AP4S1: variants seen among roughly 807,000 people sequenced by gnomAD.
The protein encoded by AP4S1 is AP-4 complex subunit sigma-1.
AP4S1 carries 23 observed loss-of-function variants against 19.8 expected under a neutral mutation model. The observed-to-expected ratio is 1.16, with a 90% CI of 0.84 to 1.65. The LOEUF is 1.65. AP4S1 is among the 40% of genes most tolerant of loss of function. The pLI is 0.00. For missense variants in AP4S1, 166 were observed against 172.8 expected, an observed-to-expected ratio of 0.96 and a Z score of 0.22; for synonymous variants, 46 against 54.1, an observed-to-expected ratio of 0.85 and a Z score of 0.66.
At chr14:31,025,846 A>AC (rs1012155048) in intron 1 of AP4S1, 59 bp downstream of exon 1, 13 of 1,553,788 alleles carry the variant, frequency 8.4e-6, no homozygotes, top group Admixed American at 7.7e-5. Flanking sequence ...CCCCAGCCCC[A>AC]CCCCCCGGCC....
At chr14:31,081,993 G>A (rs1473067000) in intron 5 of AP4S1, among the ~76,000 whole-genome samples, 1 of 151,918 alleles carries the variant, frequency 6.6e-6, no homozygotes, top group African/African-American at 2.4e-5. Context: ...CACCACGTCC[G>A]GCCTAATTTA....
intron 1 of AP4S1, among the ~76,000 whole-genome samples, chr14:31,049,388 T>C (rs1885608572): frequency 7.7e-6 from 1 of 129,212 alleles, no homozygotes; most frequent in Non-Finnish European, 1.6e-5. Flanking sequence ...CACTCCAGCC[T>C]GGGTGACAGA....
chr14:31,050,223 A>T (rs1885710452), intron 1 of AP4S1, among the ~76,000 whole-genome samples: 1 of 151,784 alleles, frequency 6.6e-6, no homozygotes, highest in African/African-American at 2.4e-5. Flanking sequence ...CGCCTGTCCT[A>T]ATTTTTGTAT....
chr14:31,030,405 A>G (rs1884320460), intron 1 of AP4S1, among the ~76,000 whole-genome samples: 2 of 152,130 alleles, frequency 1.3e-5, no homozygotes, highest in Admixed American at 1.3e-4. Context: ...AGGGAATCTC[A>G]CTATGTTGCC....
In AP4S1 at chr14:31,040,292, G is replaced by A. The variant is rs142929089; in HGVS notation, c.-72+14505G>A. On this transcript the variant is annotated intron_variant, in intron 1 of 5. Coordinates refer to ENST00000542754, the MANE Select transcript of AP4S1 (RefSeq NM_001128126.3). ...CTCAGCCTCCCAAGTAGCTGGGACT[G>A]TAGGCAGATGTCACCATGCCTGGCT... Among the ~76,000 whole-genome samples the A allele has an allele frequency of 3.3e-5, 5 of 151,938 alleles. No homozygotes were observed. In the East Asian group the frequency reaches 9.7e-4, roughly 29 times the overall value.
chr14:31,064,098 G>A (rs1218012491), intron 1 of AP4S1, among the ~76,000 whole-genome samples: 1 of 152,132 alleles, frequency 6.6e-6, no homozygotes, highest in African/African-American at 2.4e-5. Flanking sequence ...ACAAATATGA[G>A]ATTCAATACA....
chr14:31,088,512 T>A (rs1887982173), intron 5 of AP4S1, among the ~76,000 whole-genome samples: 1 of 151,870 alleles, frequency 6.6e-6, no homozygotes, highest in South Asian at 2.1e-4. Flanking sequence ...AAACCTACTT[T>A]AAAAAAAGAT....
rs573095076 is a variant in AP4S1 at position 31,026,349 on chromosome 14, G to C, written c.-72+562G>C. Reference sequence around the variant, plus strand: ...CCGTGGGTCAGAGCAGGGAGCTGCCGGCTGCCGCCATTACAATCCCTCCTC... The same window carrying C: ...CCGTGGGTCAGAGCAGGGAGCTGCCCGCTGCCGCCATTACAATCCCTCCTC... On this transcript the variant is annotated intron_variant, in intron 1 of 5. Transcript: ENST00000542754. The C allele has an allele frequency of 5.5e-5, 35 of 633,624 alleles. 1 individual carries two copies. In the South Asian group the frequency reaches 1.3e-3, roughly 23 times the overall value. The allele number at this position is 633,624 out of a possible 1,614,324, so 39.3% of individuals were successfully genotyped here.
chr14:31,055,458 A>T (rs1886054733), intron 1 of AP4S1, among the ~76,000 whole-genome samples: 1 of 152,124 alleles, frequency 6.6e-6, no homozygotes, highest in South Asian at 2.1e-4. Context: ...TTTAATTCTC[A>T]CAACAACCTA....
intron 4 of AP4S1, among the ~76,000 whole-genome samples, chr14:31,074,178 T>G (rs150629946): frequency 0.017 from 2,568 of 148,904 alleles, 45 homozygotes; most frequent in Middle Eastern, 0.026. Context: ...TACAAAAAAT[T>G]AGTTGGGCAT....
intron 1 of AP4S1, among the ~76,000 whole-genome samples, chr14:31,049,626 C>G (rs1361602490): frequency 6.7e-6 from 1 of 150,170 alleles, no homozygotes; most frequent in East Asian, 1.9e-4. Flanking sequence ...ACAAACAAGC[C>G]CTCTTCACTT....
chr14:31,065,883 A>T (rs1886689160), intron 1 of AP4S1, among the ~76,000 whole-genome samples: 1 of 152,040 alleles, frequency 6.6e-6, no homozygotes, highest in Admixed American at 6.6e-5. Flanking sequence ...GATGGTCTCG[A>T]TCTCCTGACC....
At chr14:31,063,567 C>G (rs1280475567) in intron 1 of AP4S1, among the ~76,000 whole-genome samples, 1 of 152,138 alleles carries the variant, frequency 6.6e-6, no homozygotes, top group Non-Finnish European at 1.5e-5. Flanking sequence ...CTATAGTGAG[C>G]CATGATTGTA....
At chr14:31,071,989 T>C (rs1887037993) in intron 3 of AP4S1, among the ~76,000 whole-genome samples, 1 of 151,572 alleles carries the variant, frequency 6.6e-6, no homozygotes, top group Non-Finnish European at 1.5e-5. Flanking sequence ...TGGCACAATC[T>C]TGGCTCACTT....
intron 1 of AP4S1, among the ~76,000 whole-genome samples, chr14:31,039,281 G>A (rs1884958880): frequency 6.6e-6 from 1 of 151,884 alleles, no homozygotes; most frequent in South Asian, 2.1e-4. Flanking sequence ...CACCTCCCAG[G>A]TTCATGCAAT....
At chr14:31,025,555 G>C, upstream of AP4S1, 1 of 333,316 alleles carries the variant, frequency 3.0e-6, no homozygotes, top group Non-Finnish European at 5.7e-6. Flanking sequence ...AGTGTTGAGA[G>C]GCCCCAAACC....
chr14:31,087,506 C>CA (rs1192039489), intron 5 of AP4S1, among the ~76,000 whole-genome samples: 2 of 152,036 alleles, frequency 1.3e-5, no homozygotes, highest in Non-Finnish European at 2.9e-5. Flanking sequence ...ACAAGCCTGC[C>CA]ACCATGCCTG....
intron 1 of AP4S1, among the ~76,000 whole-genome samples, chr14:31,064,070 A>T (rs185971620): frequency 6.6e-6 from 1 of 152,154 alleles, no homozygotes; most frequent in Non-Finnish European, 1.5e-5. Flanking sequence ...TCCAAAACCT[A>T]TGTTGAGTGT....
intron 1 of AP4S1, among the ~76,000 whole-genome samples, chr14:31,045,639 A>G (rs1018256683): frequency 2.6e-5 from 4 of 152,208 alleles, no homozygotes; most frequent in South Asian, 4.1e-4. Flanking sequence ...GCAGTTCTTT[A>G]TAGCAGTGTG....
Sources: gnomAD v4.1 joint callset for allele counts (sites outside exome capture counted in the v4.1 genomes callset) on GRCh38, gnomAD v4.1.1 for gene constraint, MANE v1.5 for transcripts, NCBI Gene and HGNC (gene_info 2026-07-23, HGNC 2026-07-21) for gene names.